OLA1: variants seen among roughly 807,000 people sequenced by gnomAD.
OLA1 encodes obg-like ATPase 1.
OLA1 carries 14 observed loss-of-function variants against 48.4 expected under a neutral mutation model. The observed-to-expected ratio is 0.29, with a 90% CI of 0.19 to 0.45. OLA1 has a LOEUF of 0.45. Ranked by LOEUF, OLA1 falls within the 20% of genes least tolerant of loss-of-function variation. The pLI is 1.00. For missense variants in OLA1, 325 were observed against 467.1 expected (o/e 0.70, Z 2.80); for synonymous variants, 127 against 150.4 (o/e 0.84, Z 1.14).
chr2:174,160,553 C>T (rs961457761), intron 4 of OLA1, among the ~76,000 whole-genome samples: 1 of 152,158 alleles, frequency 6.6e-6, no homozygotes, highest in Non-Finnish European at 1.5e-5. Context: ...AAGATGAATA[C>T]TTCCCAGAGT....
At chr2:174,125,979 C>T (rs1473576453) in intron 5 of OLA1, among the ~76,000 whole-genome samples, 1 of 151,950 alleles carries the variant, frequency 6.6e-6, no homozygotes, top group Non-Finnish European at 1.5e-5. Context: ...GATTTAACAG[C>T]CAAGAAAAGA....
At chr2:174,099,517 T>G (rs1685341219) in intron 7 of OLA1, among the ~76,000 whole-genome samples, 1 of 152,216 alleles carries the variant, frequency 6.6e-6, no homozygotes, top group Non-Finnish European at 1.5e-5. Context: ...TATTTGTTAC[T>G]TGGCCCTGTG....
intron 4 of OLA1, among the ~76,000 whole-genome samples, chr2:174,156,647 C>T (rs998809833): frequency 5.5e-5 from 8 of 145,102 alleles, no homozygotes. Context: ...TGCAGTGGCG[C>T]CATCTTGGCT....
chr2:174,174,045 A>C lies in OLA1; in HGVS notation c.374-32045T>G, dbSNP rs12992811. 1.2e-4 allele frequency among the ~76,000 whole-genome samples: 16 copies of C among 129,430 alleles called. No individual in the cohort carries two copies. In the East Asian group the frequency reaches 2.4e-3, roughly 19 times the overall value. 84.9% of individuals were successfully genotyped at this position (129,430 alleles called of 152,430 possible). On this transcript the variant is annotated intron_variant, in intron 4 of 10. Coordinates refer to ENST00000284719, the MANE Select transcript of OLA1 (RefSeq NM_013341.5). ...ACACACACACACACACAAAAAAAAA[A>C]AAAAAAACAAAAAAAAACTCCACGC...
In OLA1 at chr2:174,248,527, A is replaced by AG. The variant is rs1689186901; in HGVS notation, c.-77dup. ...GTCCTGCCGGCAGCTGGAGGCGGGG[A>AG]GGAAGGAGGAGAGAACGCAGGCCCG... On this transcript the variant is annotated 5_prime_UTR_variant, in exon 1 of 11. Transcript: ENST00000284719. The AG allele has an allele frequency of 6.0e-6, 1 of 165,364 alleles. No individual in the cohort carries two copies. The highest frequency in any genetic ancestry group is 1.5e-5 in the Non-Finnish European group (1 of 68,168). The allele number at this position is 165,364 out of a possible 1,614,324, so 10.2% of individuals were successfully genotyped here.
At chr2:174,215,371 A>T (rs1156311068) in intron 4 of OLA1, among the ~76,000 whole-genome samples, 2 of 152,222 alleles carry the variant, frequency 1.3e-5, no homozygotes, top group African/African-American at 4.8e-5. Flanking sequence ...TAACAAATTT[A>T]CTAATAAACT....
chr2:174,164,328 G>T (rs1687106854), intron 4 of OLA1, among the ~76,000 whole-genome samples: 1 of 58,274 alleles, frequency 1.7e-5, no homozygotes, highest in South Asian at 7.4e-4. Flanking sequence ...AAGGTTAGAA[G>T]GTTAGAGTTG....
At chr2:174,096,773 G>C (rs542416110) in intron 7 of OLA1, among the ~76,000 whole-genome samples, 1 of 152,304 alleles carries the variant, frequency 6.6e-6, no homozygotes, top group South Asian at 2.1e-4. Flanking sequence ...TTAACTGTCT[G>C]CTGTCAGTGA....
chr2:174,190,064 G>A (rs772906928), intron 4 of OLA1, among the ~76,000 whole-genome samples: 3 of 151,970 alleles, frequency 2.0e-5, no homozygotes, highest in Non-Finnish European at 4.4e-5. Flanking sequence ...GTACTTCAGT[G>A]TACCTGGTAG....
intron 7 of OLA1, among the ~76,000 whole-genome samples, chr2:174,115,566 C>A (rs1002171469): frequency 6.6e-6 from 1 of 152,072 alleles, no homozygotes; most frequent in East Asian, 1.9e-4. Flanking sequence ...AAAACATATA[C>A]GTTTTTTCAA....
chr2:174,113,323 C>A (rs1279970597), intron 7 of OLA1, among the ~76,000 whole-genome samples: 1 of 152,114 alleles, frequency 6.6e-6, no homozygotes, highest in East Asian at 1.9e-4. Flanking sequence ...TATATAAAAA[C>A]CAATCTGTGG....
At chr2:174,138,477 A>G (rs1488294863) in intron 5 of OLA1, among the ~76,000 whole-genome samples, 1 of 152,222 alleles carries the variant, frequency 6.6e-6, no homozygotes, top group Non-Finnish European at 1.5e-5. Context: ...ATCACCAGTC[A>G]AAGACCACTT....
At chr2:174,124,951 A>C (rs756751561) in intron 5 of OLA1, among the ~76,000 whole-genome samples, 1 of 152,190 alleles carries the variant, frequency 6.6e-6, no homozygotes, top group Non-Finnish European at 1.5e-5. Flanking sequence ...AGGAAGGGGC[A>C]AGCTGAAAAC....
At chr2:174,082,143 T>C in intron 7 of OLA1, 79 bp from the exon 8 acceptor site, 1 of 1,464,092 alleles carries the variant, frequency 6.8e-7, no homozygotes, top group Non-Finnish European at 9.5e-7. Flanking sequence ...AAGTAGCACA[T>C]ACATATTCAT....
intron 4 of OLA1, among the ~76,000 whole-genome samples, chr2:174,155,834 G>A (rs1040907854): frequency 5.3e-5 from 8 of 152,102 alleles, no homozygotes; most frequent in Non-Finnish European, 7.4e-5. Flanking sequence ...GACTTTCAGG[G>A]ACAGATATTT....
At chr2:174,242,939 G>A (rs576966934) in intron 2 of OLA1, among the ~76,000 whole-genome samples, 7 of 152,144 alleles carry the variant, frequency 4.6e-5, no homozygotes, top group East Asian at 3.9e-4. Flanking sequence ...TGCCCAGCAC[G>A]GTGGCTCACA....
intron 4 of OLA1, among the ~76,000 whole-genome samples, chr2:174,206,954 C>A (rs1688128444): frequency 6.6e-6 from 1 of 152,102 alleles, no homozygotes; most frequent in African/African-American, 2.4e-5. Flanking sequence ...AGGATACAAT[C>A]AAAGACAGCT....
intron 4 of OLA1, among the ~76,000 whole-genome samples, chr2:174,146,128 A>T (rs1686592078): frequency 6.9e-6 from 1 of 145,776 alleles, no homozygotes; most frequent in African/African-American, 2.6e-5. Context: ...TATGGTCAGT[A>T]TAGGTGAACC....
intron 4 of OLA1, among the ~76,000 whole-genome samples, chr2:174,144,297 TG>T (rs1686527730): frequency 6.6e-6 from 1 of 152,136 alleles, no homozygotes; most frequent in Non-Finnish European, 1.5e-5. Context: ...TGTTGCTCCC[TG>T]CCCCAAGGTT....
Sources: gnomAD v4.1 joint callset for allele counts (sites outside exome capture counted in the v4.1 genomes callset) on GRCh38, gnomAD v4.1.1 for gene constraint, MANE v1.5 for transcripts, NCBI Gene and HGNC (gene_info 2026-07-23, HGNC 2026-07-21) for gene names.